The following TMEM181 variants were observed in gnomAD, a reference collection of about 807,000 sequenced individuals.
TMEM181 encodes G protein-coupled receptor 178.
Under a neutral mutation model 71.9 loss-of-function variants are expected in TMEM181, and 39 were observed. That is an observed-to-expected ratio of 0.54 (90% CI 0.42 to 0.71). The LOEUF is 0.71. Ranked by LOEUF, TMEM181 falls within the 30% of genes least tolerant of loss-of-function variation. The pLI is 0.00. For synonymous variants in TMEM181, 245 were observed against 228.8 expected (o/e 1.07, Z -0.64); for missense variants, 595 against 583.0 (o/e 1.02, Z -0.21).
At chr6:158,540,927 AT>A (rs1310632343) in intron 1 of TMEM181, among the ~76,000 whole-genome samples, 1 of 151,980 alleles carries the variant, frequency 6.6e-6, no homozygotes. Flanking sequence ...CCCAACTAAT[AT>A]TTTTGTTCAT....
chr6:158,583,779 G>A (rs950842388), intron 3 of TMEM181, among the ~76,000 whole-genome samples, 175 bp from the exon 4 acceptor site: 45 of 152,148 alleles, frequency 3.0e-4, no homozygotes, highest in Middle Eastern at 3.2e-3. Flanking sequence ...TAGCCTAGGC[G>A]ACAGAGTGAG....
At chr6:158,599,704 T>C (rs1376900075) in intron 6 of TMEM181, among the ~76,000 whole-genome samples, 2 of 152,166 alleles carry the variant, frequency 1.3e-5, no homozygotes, top group African/African-American at 4.8e-5. Context: ...CCTGTGGACC[T>C]TCTGGCCCCA....
rs993873294 is a variant in TMEM181, at chr6:158,632,654, T to C, written c.*766T>C. 1 of 152,418 alleles carries C rather than the reference T, an allele frequency of 6.6e-6. No homozygotes were observed. Among genetic ancestry groups the C allele is most frequent in the East Asian group, 1.9e-4 (1 of 5,186 alleles). The allele number at this position is 152,418 out of a possible 1,614,324, so 9.4% of individuals were successfully genotyped here. ...GCCTGTGTGTACACACATGATTAAA[T>C]GGATTTGCCTGTGGGAGGTATGGGC... On this transcript the variant is annotated 3_prime_UTR_variant, in exon 17 of 17. Coordinates refer to ENST00000684151, the MANE Select transcript of TMEM181 (RefSeq NM_001376852.1).
At chr6:158,582,654 C>T (rs1783543727) in intron 3 of TMEM181, among the ~76,000 whole-genome samples, 2 of 151,142 alleles carry the variant, frequency 1.3e-5, no homozygotes, top group African/African-American at 4.9e-5. Flanking sequence ...TGACAGAGCA[C>T]GACCCTGTCT....
intron 1 of TMEM181, among the ~76,000 whole-genome samples, chr6:158,552,426 A>C (rs1781748013): frequency 6.6e-6 from 1 of 152,242 alleles, no homozygotes; most frequent in South Asian, 2.1e-4. Context: ...TACACAAGAA[A>C]ACTAATACAT....
intron 2 of TMEM181, among the ~76,000 whole-genome samples, chr6:158,578,018 A>G (rs1783258802): frequency 6.6e-6 from 1 of 152,130 alleles, no homozygotes; most frequent in Admixed American, 6.6e-5. Context: ...TGAACCCGGG[A>G]GGTGGAGGTT....
At position 158,590,269 on chromosome 6, in the gene TMEM181, C is replaced by T. The variant is rs184727254; in HGVS notation, c.492+487C>T. Reference sequence around the variant, plus strand: ...GACGGTGAGCTGGGTTCTCACGCTGCCTCCATCATTGACTCACGTGATTTT... The same window carrying T: ...GACGGTGAGCTGGGTTCTCACGCTGTCTCCATCATTGACTCACGTGATTTT... On this transcript the variant is annotated intron_variant, in intron 6 of 16. Transcript: ENST00000684151. 1.3e-3 allele frequency among the ~76,000 whole-genome samples: 196 copies of T among 152,202 alleles called. 1 individual carries two copies. Among genetic ancestry groups the T allele is most frequent in the Non-Finnish European group, 3.5e-4 (24 of 68,008 alleles).
At chr6:158,608,841 T>A (rs189304472) in intron 10 of TMEM181, 91 bp downstream of exon 10, 49,512 of 1,187,314 alleles carry the variant, frequency 0.042, 2,422 homozygotes, top group Admixed American at 0.25. Flanking sequence ...CTCACGCCTG[T>A]AATCCCAGCA....
At chr6:158,602,212 T>C (rs145941589) in intron 6 of TMEM181, among the ~76,000 whole-genome samples, 1 of 152,362 alleles carries the variant, frequency 6.6e-6, no homozygotes, top group East Asian at 1.9e-4. Flanking sequence ...ATAATTATTT[T>C]GAGCTTGATC....
chr6:158,594,120 T>TTTTTTTTTTTC (rs1554309324), intron 6 of TMEM181, among the ~76,000 whole-genome samples: 1 of 139,662 alleles, frequency 7.2e-6, no homozygotes, highest in Non-Finnish European at 1.5e-5. Flanking sequence ...TTTTTTTTTT[T>TTTTTTTTTTTC]CTGAGACAGA....
intron 10 of TMEM181, among the ~76,000 whole-genome samples, 154 bp downstream of exon 10, chr6:158,608,904 C>T (rs1303124493): frequency 6.6e-6 from 1 of 152,122 alleles, no homozygotes; most frequent in African/African-American, 2.4e-5. Context: ...TCAAGACCAG[C>T]CTGGGCAACA....
rs572672553 is a variant in TMEM181 at position 158,567,046 on chromosome 6, G to A, written c.9-6374G>A. 5.1e-4 allele frequency among the ~76,000 whole-genome samples: 77 copies of A among 152,264 alleles called. No homozygotes were observed. In the South Asian group the frequency reaches 9.3e-3, roughly 18 times the overall value. On this transcript the variant is annotated intron_variant, in intron 1 of 16. Transcript: ENST00000684151. Reference sequence around the variant, plus strand: ...TTAGAAAGGGCCCAAAGAGTCAAGGGGACCTTCAGGGGACAGTTTATTTCC... The same window carrying A: ...TTAGAAAGGGCCCAAAGAGTCAAGGAGACCTTCAGGGGACAGTTTATTTCC...
intron 10 of TMEM181, 81 bp from the exon 11 acceptor site, chr6:158,623,469 C>T: frequency 2.9e-6 from 3 of 1,018,828 alleles, no homozygotes; most frequent in Non-Finnish European, 4.1e-6. Context: ...GTAAAAAAAA[C>T]AAAAAGTCAA....
chr6:158,541,824 T>A (rs1582910790), intron 1 of TMEM181, among the ~76,000 whole-genome samples: 1 of 116,490 alleles, frequency 8.6e-6, no homozygotes, highest in African/African-American at 3.1e-5. Flanking sequence ...AACTATTGAC[T>A]GACAACTCTG....
chr6:158,604,322 G>A, intron 6 of TMEM181, among the ~76,000 whole-genome samples: 1 of 126,932 alleles, frequency 7.9e-6, no homozygotes, highest in African/African-American at 2.8e-5. Flanking sequence ...TCATCCTTGT[G>A]CATGCGTGCA....
intron 8 of TMEM181, 59 bp downstream of exon 8, chr6:158,607,402 A>G (rs1785012194): frequency 2.6e-6 from 4 of 1,513,242 alleles, no homozygotes; most frequent in Non-Finnish European, 3.7e-6. Flanking sequence ...GCTGGAGGCC[A>G]GGTGCAGGGT....
At chr6:158,610,762 T>G in intron 10 of TMEM181, 1 of 304,292 alleles carries the variant, frequency 3.3e-6, no homozygotes, top group Admixed American at 4.0e-5. Flanking sequence ...CCTCCCAGCC[T>G]GTGCTGCGTC....
chr6:158,586,327 T>C (rs1428880461), intron 5 of TMEM181, among the ~76,000 whole-genome samples: 1 of 152,160 alleles, frequency 6.6e-6, no homozygotes, highest in East Asian at 1.9e-4. Context: ...GGCAGTGCAT[T>C]TTCTTATAGG....
At chr6:158,630,201 G>GA (rs2128332974) in intron 15 of TMEM181, among the ~76,000 whole-genome samples, 2 of 152,274 alleles carry the variant, frequency 1.3e-5, no homozygotes, top group South Asian at 4.1e-4. Flanking sequence ...AAATTCATGA[G>GA]AGAGTCACCA....
Sources: allele counts gnomAD v4.1 joint callset (sites outside exome capture counted in the v4.1 genomes callset), GRCh38; gene constraint gnomAD v4.1.1; transcripts MANE v1.5; gene names NCBI Gene and HGNC (gene_info 2026-07-23, HGNC 2026-07-21).